The following ERG28 variants were observed in gnomAD, a reference collection of about 807,000 sequenced individuals.
ERG28 encodes the protein ergosterol biosynthetic protein 28 homolog.
A neutral mutation model predicts 15.7 loss-of-function variants in ERG28; 9 were observed. That is an observed-to-expected ratio of 0.57 (90% CI 0.35 to 1.00). ERG28 has a LOEUF of 1.00. Among genes scored for constraint, ERG28 ranks in the 50% least tolerant of loss-of-function variants. The probability of loss-of-function intolerance (pLI) is 0.02; values close to 1 mark genes in which losing one functional copy is unlikely to be tolerated. For synonymous variants in ERG28, 61 were observed against 68.4 expected (o/e 0.89, Z 0.53); for missense variants, 117 against 173.3 (o/e 0.68, Z 1.82).
intron 2 of ERG28, among the ~76,000 whole-genome samples, chr14:75,656,856 ACT>A (rs1332271573): frequency 6.6e-6 from 1 of 152,022 alleles, no homozygotes; most frequent in Non-Finnish European, 1.5e-5. Context: ...TGAATTAATA[ACT>A]CTCCATCTGT....
intron 2 of ERG28, among the ~76,000 whole-genome samples, chr14:75,655,411 A>G (rs1166991464): frequency 7.2e-5 from 11 of 152,196 alleles, no homozygotes; most frequent in Admixed American, 7.2e-4. Context: ...GATACTGGGG[A>G]CCAATTTAGA....
At chr14:75,654,788 T>C in intron 3 of ERG28, 98 bp downstream of exon 3, 1 of 1,270,614 alleles carries the variant, frequency 7.9e-7, no homozygotes, top group Non-Finnish European at 1.1e-6. Context: ...AGCTAATGCA[T>C]TAAAATGATT....
intron 1 of ERG28, among the ~76,000 whole-genome samples, chr14:75,660,499 G>T (rs1428944276): frequency 6.6e-6 from 1 of 152,176 alleles, no homozygotes; most frequent in Non-Finnish European, 1.5e-5. Flanking sequence ...GCTATTGTAA[G>T]AATTATATGA....
At chr14:75,659,527 A>G (rs773460051) in intron 1 of ERG28, among the ~76,000 whole-genome samples, 17 of 147,094 alleles carry the variant, frequency 1.2e-4, no homozygotes, top group Non-Finnish European at 2.2e-4. Flanking sequence ...CGCCTCCCAA[A>G]TGCTGGGATT....
At chr14:75,658,582 G>C (rs1302057118) in intron 1 of ERG28, among the ~76,000 whole-genome samples, 1 of 152,194 alleles carries the variant, frequency 6.6e-6, no homozygotes. Context: ...GAGTGTCTTG[G>C]TGTCCTGAAA....
At chr14:75,656,325 T>C (rs867386592) in intron 2 of ERG28, among the ~76,000 whole-genome samples, 209 of 100,980 alleles carry the variant, frequency 2.1e-3, no homozygotes, top group African/African-American at 5.2e-3. Context: ...CACACACACA[T>C]AAAGTTCTGC....
Position 75,650,216 on chromosome 14 carries a change from C to T in ERG28, c.*1339G>A, listed in dbSNP as rs1227031413. The T allele has an allele frequency of 2.6e-5, 4 of 152,208 alleles. No individual in the cohort carries two copies. Among genetic ancestry groups the T allele is most frequent in the Admixed American group, 2.0e-4 (3 of 15,278 alleles). The allele number at this position is 152,208 out of a possible 1,614,324, so 9.4% of individuals were successfully genotyped here. A position where few individuals can be genotyped will look rare whatever the true frequency, so the allele number is the denominator to read the frequency against. ...ATGATCTAATTTAAGTTACGTTCCC[C>T]ACTGCCCACCCCACATTCCTTCTTG... On this transcript the variant is annotated 3_prime_UTR_variant, in exon 5 of 5. Transcript: ENST00000256319.
chr14:75,660,277 T>C (rs530245130), intron 1 of ERG28, among the ~76,000 whole-genome samples: 8 of 152,320 alleles, frequency 5.3e-5, no homozygotes, highest in Non-Finnish European at 1.0e-4. Flanking sequence ...TTAGAGTGTA[T>C]ACAACATCTA....
At chr14:75,654,998 G>C in intron 2 of ERG28, 22 bp from the exon 3 acceptor site, 1 of 1,598,994 alleles carries the variant, frequency 6.3e-7, no homozygotes, top group Non-Finnish European at 8.6e-7. Context: ...AAAAAAGCAA[G>C]AGTGTTCAGA....
At chr14:75,654,205 C>T (rs1890567161) in intron 3 of ERG28, among the ~76,000 whole-genome samples, 1 of 152,176 alleles carries the variant, frequency 6.6e-6, no homozygotes, top group South Asian at 2.1e-4. Context: ...CTGGATAAGA[C>T]AGAAAAACAT....
chr14:75,656,357 A>G (rs936586418), intron 2 of ERG28, among the ~76,000 whole-genome samples: 7 of 151,720 alleles, frequency 4.6e-5, no homozygotes, highest in Non-Finnish European at 8.8e-5. Context: ...CCTTTAAGTC[A>G]CATGACCTCT....
chr14:75,651,762 G>C lies in ERG28; in HGVS notation c.343+9C>G, dbSNP rs780976865. 14 of 1,607,984 alleles carry C rather than the reference G, an allele frequency of 8.7e-6. No individual in the cohort carries two copies. In the South Asian group the frequency reaches 1.5e-4, roughly 18 times the overall value. ...TCCTGTAGGAGGTCTAGGGTGGTTGGATGCTTACTTGCCACCATCAGGGGT... is the reference window on the plus strand; with the variant it reads ...TCCTGTAGGAGGTCTAGGGTGGTTGCATGCTTACTTGCCACCATCAGGGGT... On this transcript the variant is annotated intron_variant, in intron 4 of 4. Coordinates refer to ENST00000256319, the MANE Select transcript of ERG28 (RefSeq NM_007176.4).
chr14:75,659,241 C>A (rs1414413821), intron 1 of ERG28, among the ~76,000 whole-genome samples: 1 of 152,176 alleles, frequency 6.6e-6, no homozygotes, highest in Non-Finnish European at 1.5e-5. Context: ...TTGTTTGAGA[C>A]TATTTTAATG....
intron 4 of ERG28, 35 bp from the exon 5 acceptor site, chr14:75,651,669 C>G (rs1304648740): frequency 6.2e-7 from 1 of 1,600,456 alleles, no homozygotes; most frequent in Admixed American, 1.7e-5. Flanking sequence ...GACTAACATA[C>G]ATACGGTACC....
rs866470875 is a variant in ERG28 at position 75,656,311 on chromosome 14, C to G, written c.133+1059G>C. Among the ~76,000 whole-genome samples, 653 of 148,832 alleles carry G rather than the reference C, an allele frequency of 4.4e-3. 4 individuals are homozygous for G. Among genetic ancestry groups the G allele is most frequent in the African/African-American group, 0.016 (620 of 38,816 alleles). The stretch of plus-strand genomic sequence containing the variant: ...ACACACACACACACACACACACACA[C>G]ACACACACACACATAAAGTTCTGCT... On this transcript the variant is annotated intron_variant, in intron 2 of 4. Coordinates refer to ENST00000256319, the MANE Select transcript of ERG28 (RefSeq NM_007176.4).
intron 1 of ERG28, among the ~76,000 whole-genome samples, chr14:75,658,335 T>C (rs1376871316): frequency 6.6e-6 from 1 of 152,040 alleles, no homozygotes; most frequent in Non-Finnish European, 1.5e-5. Context: ...AGAATAAAAG[T>C]TATATTCTGC....
At chr14:75,659,160 A>G (rs1436521389) in intron 1 of ERG28, among the ~76,000 whole-genome samples, 1 of 152,168 alleles carries the variant, frequency 6.6e-6, no homozygotes, top group Non-Finnish European at 1.5e-5. Context: ...AAGTTTCTTA[A>G]GGTCACACAG....
intron 3 of ERG28, among the ~76,000 whole-genome samples, chr14:75,652,201 T>C (rs1211315550): frequency 2.0e-5 from 3 of 152,240 alleles, no homozygotes; most frequent in African/African-American, 4.8e-5. Context: ...GCAGGCAGTG[T>C]AGACAACTTT....
chr14:75,651,973 TAAG>T, intron 3 of ERG28, 84 bp from the exon 4 acceptor site: 1 of 1,213,382 alleles, frequency 8.2e-7, no homozygotes, highest in Non-Finnish European at 1.2e-6. Context: ...TACAGACAAA[TAAG>T]AACCCAGGAT....
Sources: allele counts gnomAD v4.1 joint callset (sites outside exome capture counted in the v4.1 genomes callset), GRCh38; gene constraint gnomAD v4.1.1; transcripts MANE v1.5; gene names NCBI Gene and HGNC (gene_info 2026-07-23, HGNC 2026-07-21).